The following HDX variants were observed in gnomAD, a reference collection of about 807,000 sequenced individuals.
HDX encodes the protein chromosome X open reading frame 43.
Under a neutral mutation model 45.2 loss-of-function variants are expected in HDX, and 19 were observed. The ratio of observed to expected loss-of-function variants is 0.42; its 90% confidence interval spans 0.29 to 0.62. The LOEUF (loss-of-function observed/expected upper bound fraction) is 0.62, where lower values mean the gene tolerates loss of function less well. HDX is among the 20% of genes least tolerant of loss of function. The pLI, the probability that HDX is intolerant of heterozygous loss-of-function variation, is 0.20. For synonymous variants in HDX, 188 were observed against 172.8 expected, an observed-to-expected ratio of 1.09 and a Z score of -0.69; for missense variants, 532 against 493.9, an observed-to-expected ratio of 1.08 and a Z score of -0.73.
intron 9 of HDX, among the ~76,000 whole-genome samples, chrX:84,327,176 T>C (rs2036731868): frequency 8.9e-6 from 1 of 111,806 alleles, no homozygotes; most frequent in Admixed American, 9.5e-5. Context: ...AGTTACTCTT[T>C]ACTATTTTTG....
rs940563749 is a variant in HDX at position 84,479,705 on chromosome X, C to A, written c.1-4308G>T. Among the ~76,000 whole-genome samples the A allele has an allele frequency of 3.6e-5, 4 of 111,943 alleles. No homozygotes were observed. The East Asian group carries it at 1.1e-3, about 31-fold the overall frequency. Reference sequence around the variant, plus strand: ...CATTCAGTGAAAGATTCATTTCTTTCACTTCCTCATCAACATTTATTACAG... The same window carrying A: ...CATTCAGTGAAAGATTCATTTCTTTAACTTCCTCATCAACATTTATTACAG... On this transcript the variant is annotated intron_variant, in intron 2 of 10. Coordinates refer to ENST00000373177, the MANE Select transcript of HDX (RefSeq NM_001177479.2).
intron 7 of HDX, among the ~76,000 whole-genome samples, chrX:84,342,400 T>C (rs965976894): frequency 1.8e-5 from 2 of 111,482 alleles, no homozygotes; most frequent in African/African-American, 6.5e-5. Context: ...CCCTACCAGC[T>C]ATTAAGACAT....
In HDX at chrX:84,333,785, G is replaced by T. The variant is rs2036895855; in HGVS notation, c.1798C>A (p.Gln600Lys). The T allele has an allele frequency of 6.3e-6, 6 of 956,236 alleles. No homozygotes were observed. The highest frequency in any genetic ancestry group is 8.9e-6 in the Non-Finnish European group (6 of 675,201). The allele number at this position is 956,236 out of a possible 1,213,427, so 78.8% of individuals were successfully genotyped here. ...TTATAATCCAAGAAAGAGTTTACTT[G>T]TTCTACTTCAGAATTACTTATCATG... ...SDMISNSEVE[Q>K]VNSFLDYKNE... is the part of the protein sequence containing the mutation. Residue 600 changes from glutamine (Q) to lysine (K), a missense_variant, in exon 9 of 11, where the codon CAA becomes AAA. By Grantham distance (53) the Gln-to-Lys change is moderately conservative. Transcript: ENST00000373177.
At chrX:84,361,879 A>G (rs1401425974) in intron 5 of HDX, among the ~76,000 whole-genome samples, 1 of 112,243 alleles carries the variant, frequency 8.9e-6, no homozygotes, top group Non-Finnish European at 1.9e-5. Context: ...TTAAAATAAT[A>G]CATGTTCATT....
chrX:84,410,681 G>A (rs2038962335), intron 5 of HDX, among the ~76,000 whole-genome samples: 1 of 111,569 alleles, frequency 9.0e-6, no homozygotes, highest in South Asian at 3.7e-4. Context: ...TAGCTACATA[G>A]AATTAGTTAG....
At chrX:84,362,867 T>G (rs2037655286) in intron 5 of HDX, among the ~76,000 whole-genome samples, 1 of 111,979 alleles carries the variant, frequency 8.9e-6, no homozygotes, top group African/African-American at 3.2e-5. Flanking sequence ...CTAAAACTGA[T>G]GTAATACTAA....
Position 84,469,214 on chromosome X carries a change from C to T in HDX, c.509G>A (p.Gly170Asp). The T allele has an allele frequency of 8.3e-7, 1 of 1,210,737 alleles. No individual in the cohort carries two copies. The highest frequency in any genetic ancestry group is 1.1e-6 in the Non-Finnish European group (1 of 894,830). The change falls in exon 4 of 11, where the codon GGT becomes GAT. Residue 170 changes from glycine (G) to aspartate (D), a missense_variant. Physicochemically the swap from Gly to Asp is moderately conservative, Grantham distance 94. Coordinates refer to ENST00000373177, the MANE Select transcript of HDX (RefSeq NM_001177479.2). Reference sequence around the variant, plus strand: ...TCTTGACAAAATAATTGTTTTTTCACCTAGGAGTAGGGAAGCATTTTTACA... The same window carrying T: ...TCTTGACAAAATAATTGTTTTTTCATCTAGGAGTAGGGAAGCATTTTTACA... The part of the protein sequence containing the change: ...AHCKNASLLL[G>D]EKTIILSRQT...
At chrX:84,385,353 A>G (rs1358496530) in intron 5 of HDX, among the ~76,000 whole-genome samples, 1 of 103,157 alleles carries the variant, frequency 9.7e-6, no homozygotes, top group Non-Finnish European at 2.0e-5. Flanking sequence ...AGCTGGGACT[A>G]CAGGCGCCCG....
chrX:84,349,631 A>ATATAT, intron 6 of HDX, among the ~76,000 whole-genome samples: 1 of 95,434 alleles, frequency 1.0e-5, no homozygotes, highest in South Asian at 5.1e-4. Flanking sequence ...ATATATATAT[A>ATATAT]AACAACCCTA....
intron 9 of HDX, among the ~76,000 whole-genome samples, chrX:84,326,524 C>A (rs972083100): frequency 9.0e-6 from 1 of 111,050 alleles, no homozygotes; most frequent in Non-Finnish European, 1.9e-5. Flanking sequence ...AGTCAAAAAC[C>A]AATCCAATAA....
rs2039542478 is a variant in HDX, at chrX:84,433,103, A to G, written c.1305+7429T>C. ...GCTGTTGGGTGAGCAGTTCACAGAT[A>G]TTTTTCCCATTCTTTAGGTTGACCT... On this transcript the variant is annotated intron_variant, in intron 5 of 10. Transcript: ENST00000373177. Among the ~76,000 whole-genome samples, 4 of 111,509 alleles carry G rather than the reference A, an allele frequency of 3.6e-5. No homozygotes were observed. The South Asian group carries it at 1.5e-3, about 41-fold the overall frequency.
chrX:84,328,911 A>G (rs1318540896), intron 9 of HDX, among the ~76,000 whole-genome samples: 1 of 112,230 alleles, frequency 8.9e-6, no homozygotes, highest in African/African-American at 3.2e-5. Flanking sequence ...CATTTTAGAA[A>G]GACACAAGGC....
intron 5 of HDX, among the ~76,000 whole-genome samples, chrX:84,434,977 A>G (rs897713244): frequency 9.1e-6 from 1 of 110,040 alleles, no homozygotes; most frequent in Non-Finnish European, 1.9e-5. Context: ...TAGTAGTTTT[A>G]ATGATCCTTT....
intron 10 of HDX, among the ~76,000 whole-genome samples, chrX:84,323,874 T>TA (rs1260042141): frequency 1.8e-5 from 2 of 112,485 alleles, no homozygotes; most frequent in Non-Finnish European, 3.8e-5. Context: ...CCCAAGAGAT[T>TA]AAAGCATTTT....
intron 2 of HDX, among the ~76,000 whole-genome samples, chrX:84,479,007 A>G (rs141144973): frequency 0.01 from 1,163 of 112,381 alleles, 23 homozygotes; most frequent in African/African-American, 0.037. Context: ...AGTTAAACAT[A>G]ACACATTGAA....
chrX:84,430,845 T>TCTC (rs1372930499), intron 5 of HDX, among the ~76,000 whole-genome samples: 1 of 110,867 alleles, frequency 9.0e-6, no homozygotes, highest in Non-Finnish European at 1.9e-5. Context: ...CTTCTCTTTT[T>TCTC]CTCTCTTTTT....
intron 3 of HDX, among the ~76,000 whole-genome samples, chrX:84,470,738 TTC>T (rs1295857399): frequency 8.9e-6 from 1 of 111,954 alleles, no homozygotes; most frequent in African/African-American, 3.2e-5. Flanking sequence ...AGTATTATTT[TTC>T]TGAGTCATGG....
At chrX:84,443,827 A>T (rs1233558732) in intron 4 of HDX, among the ~76,000 whole-genome samples, 1 of 112,177 alleles carries the variant, frequency 8.9e-6, no homozygotes, top group Non-Finnish European at 1.9e-5. Flanking sequence ...AACATTACTG[A>T]AATAAGTATA....
intron 7 of HDX, among the ~76,000 whole-genome samples, chrX:84,339,200 T>G (rs1207987245): frequency 9.0e-6 from 1 of 111,692 alleles, no homozygotes; most frequent in South Asian, 3.7e-4. Context: ...CAATTTAATT[T>G]TTTTAAAGAA....
Sources: allele counts gnomAD v4.1 joint callset (sites outside exome capture counted in the v4.1 genomes callset), GRCh38; gene constraint gnomAD v4.1.1; transcripts MANE v1.5; gene names NCBI Gene and HGNC (gene_info 2026-07-23, HGNC 2026-07-21).